The following PROM1 variants were observed in gnomAD, a reference collection of about 807,000 sequenced individuals.
PROM1 encodes the protein prominin-1.
PROM1 carries 105 observed loss-of-function variants against 116.9 expected under a neutral mutation model. The ratio of observed to expected loss-of-function variants is 0.90; its 90% CI spans 0.77 to 1.06. The LOEUF is 1.06. Ranked by LOEUF, PROM1 falls within the 50% of genes least tolerant of loss-of-function variation. PROM1 has a pLI of 0.00. For missense variants in PROM1, 1,122 were observed against 1,045.2 expected (o/e 1.07, Z -1.01); for synonymous variants, 393 against 387.0 (o/e 1.02, Z -0.18).
At chr4:15,999,388 A>ACT in intron 14 of PROM1, among the ~76,000 whole-genome samples, 1 of 151,860 alleles carries the variant, frequency 6.6e-6, no homozygotes, top group Non-Finnish European at 1.5e-5. Context: ...GGAGAATGGC[A>ACT]TGAAACCGGG....
intron 19 of PROM1, among the ~76,000 whole-genome samples, chr4:15,988,843 G>A (rs950014580): frequency 6.6e-6 from 1 of 152,176 alleles, no homozygotes; most frequent in East Asian, 1.9e-4. Flanking sequence ...TAATAAATTA[G>A]GAAATCGAGA....
intron 2 of PROM1, 58 bp from the exon 3 acceptor site, chr4:16,039,059 T>A (rs976707325): frequency 1.1e-4 from 154 of 1,367,346 alleles, no homozygotes; most frequent in Non-Finnish European, 1.4e-4. Context: ...ATAAAATGCA[T>A]ATTTAGAAAA....
chr4:16,001,629 C>A (rs1032203670), intron 13 of PROM1, among the ~76,000 whole-genome samples: 2 of 152,118 alleles, frequency 1.3e-5, no homozygotes, highest in African/African-American at 2.4e-5. Flanking sequence ...TGTCACCAAC[C>A]AATGTGCTGT....
intron 11 of PROM1, among the ~76,000 whole-genome samples, chr4:16,009,561 T>C (rs1435663582): frequency 6.6e-6 from 1 of 152,166 alleles, no homozygotes; most frequent in Non-Finnish European, 1.5e-5. Flanking sequence ...GGTAACGGGA[T>C]TGAAATTCGG....
intron 13 of PROM1, among the ~76,000 whole-genome samples, chr4:16,003,859 G>A (rs1232879145): frequency 6.6e-6 from 1 of 152,210 alleles, no homozygotes; most frequent in East Asian, 1.9e-4. Context: ...AGGGCTCTCT[G>A]ACTTTCCTCC....
At chr4:16,044,211 T>C (rs182063162) in intron 2 of PROM1, among the ~76,000 whole-genome samples, 11 of 152,366 alleles carry the variant, frequency 7.2e-5, no homozygotes, top group Admixed American at 2.0e-4. Context: ...ACTAAGATAT[T>C]TCTGTTCCCA....
intron 13 of PROM1, chr4:16,003,424 C>A: frequency 2.2e-6 from 1 of 456,656 alleles, no homozygotes; most frequent in Non-Finnish European, 4.4e-6. Context: ...TATAGCCTGA[C>A]AAACTGCTTT....
At chr4:16,054,852 TC>T (rs1315865893) in intron 2 of PROM1, among the ~76,000 whole-genome samples, 2 of 151,918 alleles carry the variant, frequency 1.3e-5, no homozygotes, top group African/African-American at 4.8e-5. Context: ...GTACTCGAGT[TC>T]CGGGGGGGAA....
At chr4:16,016,827 T>C (rs1728514422) in intron 9 of PROM1, among the ~76,000 whole-genome samples, 2 of 152,200 alleles carry the variant, frequency 1.3e-5, no homozygotes, top group Admixed American at 1.3e-4. Context: ...AAATGGCCTG[T>C]TCAAAAATGT....
chr4:15,987,627 C>CA (rs780044125), intron 20 of PROM1, 36 bp downstream of exon 20: 1 of 1,584,286 alleles, frequency 6.3e-7, no homozygotes, highest in Non-Finnish European at 8.6e-7. Flanking sequence ...TATTTTATAA[C>CA]AAAACCCCAT....
chr4:15,989,840 A>C lies in PROM1; in HGVS notation c.1984-16T>G. 1 of 1,565,158 alleles carries C rather than the reference A, an allele frequency of 6.4e-7. No homozygotes were observed. Among genetic ancestry groups the C allele is most frequent in the Non-Finnish European group, 8.7e-7 (1 of 1,145,682 alleles). ...TTCCTGGGGGCTACAAAAAGAATAA[A>C]AAACAAAGATCAATACCATCTTTCC... On this transcript the variant is annotated splice_polypyrimidine_tract_variant and intron_variant, in intron 18 of 27. Transcript: ENST00000447510.
intron 15 of PROM1, among the ~76,000 whole-genome samples, chr4:15,997,545 C>T (rs552503331): frequency 6.6e-6 from 1 of 152,002 alleles, no homozygotes; most frequent in Non-Finnish European, 1.5e-5. Context: ...CTGCAACCTG[C>T]GCCTCCCTGG....
At chr4:16,017,132 C>T (rs35639371) in intron 9 of PROM1, among the ~76,000 whole-genome samples, 16,034 of 152,104 alleles carry the variant, frequency 0.11, 1,057 homozygotes, top group East Asian at 0.25. Context: ...TACAACTTAT[C>T]CCCAACTTAC....
chr4:15,982,131 C>T (rs1418679596), intron 23 of PROM1, among the ~76,000 whole-genome samples: 3 of 152,244 alleles, frequency 2.0e-5, no homozygotes, highest in Non-Finnish European at 4.4e-5. Context: ...CTACAACCTG[C>T]CAACTTCCTA....
intron 5 of PROM1, 94 bp downstream of exon 5, chr4:16,033,210 T>C: frequency 9.1e-7 from 1 of 1,096,588 alleles, no homozygotes; most frequent in Non-Finnish European, 1.3e-6. Context: ...GTTGCTATTT[T>C]GTTTAGTTTT....
At chr4:16,078,018 T>C (rs1201537455) in intron 1 of PROM1, 1 of 152,236 alleles carries the variant, frequency 6.6e-6, no homozygotes, top group African/African-American at 2.4e-5. Flanking sequence ...GTAATCCTGA[T>C]GGAAATCTTC....
chr4:16,002,263 AT>A (rs768425912), intron 13 of PROM1, among the ~76,000 whole-genome samples: 2 of 152,178 alleles, frequency 1.3e-5, no homozygotes, highest in African/African-American at 2.4e-5. Context: ...AAAAGAAAAG[AT>A]TTGTCAGACT....
At chr4:16,040,782 T>C (rs983625854) in intron 2 of PROM1, among the ~76,000 whole-genome samples, 4 of 152,200 alleles carry the variant, frequency 2.6e-5, no homozygotes, top group African/African-American at 9.7e-5. Flanking sequence ...ATACCTGCTA[T>C]CATTATATGA....
intron 18 of PROM1, 22 bp downstream of exon 18, chr4:15,991,200 T>C: frequency 6.3e-7 from 1 of 1,590,050 alleles, no homozygotes; most frequent in Admixed American, 1.7e-5. Context: ...CTACAGTATT[T>C]AACCGGACGA....
Sources: allele counts gnomAD v4.1 joint callset (sites outside exome capture counted in the v4.1 genomes callset), GRCh38; gene constraint gnomAD v4.1.1; transcripts MANE v1.5; gene names NCBI Gene and HGNC (gene_info 2026-07-23, HGNC 2026-07-21).